JAKMIP3: variants seen among roughly 807,000 people sequenced by gnomAD.
JAKMIP3 encodes the protein Janus kinase and microtubule interacting protein 3.
A neutral mutation model predicts 118.5 loss-of-function variants in JAKMIP3; 58 were observed. That is an observed-to-expected ratio of 0.49 (90% CI 0.40 to 0.61). The LOEUF (loss-of-function observed/expected upper bound fraction) is 0.61, where lower values mean the gene tolerates loss of function less well. JAKMIP3 is among the 20% of genes least tolerant of loss of function. The pLI is 0.00. For missense variants in JAKMIP3, 950 were observed against 1,109.0 expected (o/e 0.86, Z 2.04); for synonymous variants, 486 against 451.2 (o/e 1.08, Z -0.98).
chr10:132,107,459 G>C (rs1430269014), intron 2 of JAKMIP3, among the ~76,000 whole-genome samples: 2 of 152,236 alleles, frequency 1.3e-5, no homozygotes, highest in Non-Finnish European at 2.9e-5. Context: ...GGCATGTTTA[G>C]TTGTACCTGG....
chr10:132,037,533 G>A (rs550999985), intron 1 of JAKMIP3, among the ~76,000 whole-genome samples: 15 of 152,316 alleles, frequency 9.8e-5, no homozygotes, highest in African/African-American at 3.6e-4. Flanking sequence ...GGTGGCAGGA[G>A]GAGAAAGTGC....
At chr10:132,047,819 G>C (rs2037966852) in intron 1 of JAKMIP3, among the ~76,000 whole-genome samples, 1 of 145,518 alleles carries the variant, frequency 6.9e-6, no homozygotes. Context: ...GGAGCTGTGT[G>C]TCCCCCCACC....
chr10:132,089,986 G>A (rs1050523213), intron 1 of JAKMIP3, among the ~76,000 whole-genome samples: 1 of 152,132 alleles, frequency 6.6e-6, no homozygotes, highest in Non-Finnish European at 1.5e-5. Flanking sequence ...TTTGTCTTTG[G>A]TTCTGTTTAT....
intron 1 of JAKMIP3, among the ~76,000 whole-genome samples, chr10:132,077,900 CTCCCAGGT>C (rs1207531751): frequency 1.3e-5 from 2 of 152,224 alleles, no homozygotes; most frequent in African/African-American, 4.8e-5. Context: ...CAACCTCCAC[CTCCCAGGT>C]TCAGGAGATT....
In JAKMIP3 at chr10:132,036,791, G is replaced by C. The variant is rs2037514194; in HGVS notation, c.-138+53G>C. ...ACCGGGGGCCGGGCCTCTGCGCTGC[G>C]TCTGGCACGGTGCGTCCGGGACGCG... On this transcript the variant is annotated intron_variant, in intron 1 of 23. Coordinates refer to the JAKMIP3 transcript ENST00000657785. 2.6e-5 allele frequency among the ~76,000 whole-genome samples: 4 copies of C among 151,492 alleles called. No homozygotes were observed. In the South Asian group the frequency reaches 8.3e-4, roughly 31 times the overall value.
chr10:132,071,835 C>CCTTTCCATTCTTTCTTTCCTTT (rs2039930023), intron 1 of JAKMIP3, among the ~76,000 whole-genome samples: 1 of 25,144 alleles, frequency 4.0e-5, no homozygotes. Flanking sequence ...TCCTTTCTTC[C>CCTTTCCATTCTTTCTTTCCTTT]CTTTCCTTTC....
intron 23 of JAKMIP3, among the ~76,000 whole-genome samples, chr10:132,176,775 T>G (rs1156360415): frequency 6.6e-6 from 1 of 151,962 alleles, no homozygotes; most frequent in Non-Finnish European, 1.5e-5. Flanking sequence ...TCCCCTCTGG[T>G]GGACATTTGG....
At chr10:132,039,827 C>T (rs955993606) in intron 1 of JAKMIP3, among the ~76,000 whole-genome samples, 1 of 152,276 alleles carries the variant, frequency 6.6e-6, no homozygotes, top group Non-Finnish European at 1.5e-5. Flanking sequence ...GTTGCCCCCA[C>T]CTCCACGCCT....
At chr10:132,121,971 G>A (rs1034495312) in intron 3 of JAKMIP3, among the ~76,000 whole-genome samples, 2 of 152,298 alleles carry the variant, frequency 1.3e-5, no homozygotes, top group African/African-American at 4.8e-5. Context: ...AATGGACCCC[G>A]TGATTCAAGG....
intron 21 of JAKMIP3, among the ~76,000 whole-genome samples, chr10:132,165,527 G>A (rs2058808330): frequency 1.3e-5 from 2 of 152,212 alleles, no homozygotes; most frequent in South Asian, 4.1e-4. Flanking sequence ...CCCTCCGAGG[G>A]CTGAATGAAA....
upstream of JAKMIP3, among the ~76,000 whole-genome samples, chr10:132,064,505 AC>A (rs139085052): frequency 0.079 from 11,977 of 152,176 alleles, 590 homozygotes; most frequent in East Asian, 0.29. The surrounding 1 kb of genome is among the most constrained non-coding windows in gnomAD (Gnocchi z 4.4). Context: ...TCTCCGACCC[AC>A]CGTTCCGGGT....
At position 132,180,752 on chromosome 10, in the gene JAKMIP3, CGT is replaced by C. The variant is rs1301580781; in HGVS notation, c.*1104-1599_*1104-1598del. 8.8e-4 allele frequency among the ~76,000 whole-genome samples: 12 copies of C among 13,682 alleles called. 1 individual carries two copies. The highest frequency in any genetic ancestry group is 2.7e-3 in the African/African-American group (10 of 3,766). The allele number at this position is 13,682 out of a possible 152,430, so 9.0% of individuals were successfully genotyped here. A position where few individuals can be genotyped will look rare whatever the true frequency, so the allele number is the denominator to read the frequency against. ...GTGCGTGTGTGCGTGCGTGCGCGCG[CGT>C]GTGTGCGTGTGTGTGCGTGTGTGTG... On this transcript the variant is annotated intron_variant, in intron 23 of 23. Transcript: ENST00000684848.
intron 21 of JAKMIP3, 32 bp from the exon 22 acceptor site, chr10:132,166,951 T>C: frequency 6.9e-7 from 1 of 1,439,832 alleles, no homozygotes; most frequent in South Asian, 1.2e-5. Flanking sequence ...TTTCTTTCCT[T>C]CCGTTTCTCC....
rs764247617 is a variant in JAKMIP3, at chr10:132,145,586, C to A, written c.1749+6C>A. ...ATCAAGAGCTTGTGGAAAAGGTGAG[C>A]CCCGAACCCCTGGAGGCCCTGGCAG... On this transcript the variant is annotated splice_donor_region_variant and intron_variant, in intron 13 of 23. Transcript: ENST00000684848. 1.3e-6 allele frequency: 2 copies of A among 1,559,164 alleles called. No individual in the cohort carries two copies. The highest frequency in any genetic ancestry group is 1.7e-6 in the Non-Finnish European group (2 of 1,151,730).
chr10:132,077,205 A>G (rs7082498), intron 1 of JAKMIP3, among the ~76,000 whole-genome samples: 43,883 of 152,042 alleles, frequency 0.29, 6,542 homozygotes, highest in South Asian at 0.35. Context: ...CAGGAAGAAG[A>G]GGGCCTCTGC....
intron 5 of JAKMIP3, among the ~76,000 whole-genome samples, 155 bp downstream of exon 5, chr10:132,135,315 T>G (rs1460089066): frequency 1.3e-5 from 2 of 152,180 alleles, no homozygotes. Flanking sequence ...CCAGTTGAAC[T>G]TTATTAGCAA....
At chr10:132,091,034 G>A (rs1235989681) in intron 1 of JAKMIP3, among the ~76,000 whole-genome samples, 1 of 152,156 alleles carries the variant, frequency 6.6e-6, no homozygotes, top group Non-Finnish European at 1.5e-5. Flanking sequence ...ATTTTGTTAT[G>A]TACCCAGTAG....
intron 1 of JAKMIP3, among the ~76,000 whole-genome samples, chr10:132,055,193 A>T (rs2038206199): frequency 6.6e-6 from 1 of 152,306 alleles, no homozygotes; most frequent in Non-Finnish European, 1.5e-5. Context: ...CCTCAACAGG[A>T]GTAGTGCCTT....
Position 132,147,973 on chromosome 10 carries a change from G to A in JAKMIP3, c.1771G>A (p.Glu591Lys). 1 of 1,609,588 alleles carries A rather than the reference G, an allele frequency of 6.2e-7. No individual in the cohort carries two copies. The change falls in exon 14 of 24, where the codon GAG becomes AAG. Residue 591 changes from glutamate to lysine, a missense_variant. Transcript: ENST00000684848. ...GCAGATCAAACAAATGGAGACGGAA[G>A]AGGCTCGGCTCAGACACGAGGTGCA... is the stretch of plus-strand genomic sequence containing the variant. The part of the protein sequence containing the change: ...VEKIKQMETE[E>K]ARLRHEVQDA...
Sources: allele counts gnomAD v4.1 joint callset (sites outside exome capture counted in the v4.1 genomes callset), GRCh38; gene constraint gnomAD v4.1.1; non-coding constraint Gnocchi (gnomAD v3.1); transcripts MANE v1.5; gene names NCBI Gene and HGNC (gene_info 2026-07-23, HGNC 2026-07-21).